The following COL28A1 variants were observed in gnomAD, a reference collection of about 807,000 sequenced individuals.
COL28A1 encodes the protein collagen type XXVIII alpha 1 chain.
COL28A1 carries 161 observed loss-of-function variants against 150.2 expected under a neutral mutation model. That is an observed-to-expected ratio of 1.07 (90% CI 0.94 to 1.22). The LOEUF is 1.22. Among genes scored for constraint, COL28A1 ranks in the 50% most tolerant of loss-of-function variants. The pLI is 0.00. For missense variants in COL28A1, 1,617 were observed against 1,388.3 expected (o/e 1.16, Z -2.62); for synonymous variants, 552 against 469.7 (o/e 1.18, Z -2.26).
Position 7,507,140 on chromosome 7 carries a change from G to T in COL28A1, c.949C>A (p.Pro317Thr), listed in dbSNP as rs1484104485. 2.3e-6 allele frequency: 3 copies of T among 1,285,868 alleles called. No individual in the cohort carries two copies. Among genetic ancestry groups the T allele is most frequent in the Non-Finnish European group, 2.3e-6 (2 of 882,590 alleles). The allele number at this position is 1,285,868 out of a possible 1,614,324, so 79.7% of individuals were successfully genotyped here. The part of the protein sequence containing the change: ...GDKGSPGPYG[P>T]KGPRGIQGIT... Reference sequence around the variant, plus strand: ...ACCTGAATTCCTCTGGGTCCCTTTGGTCCATATGGCCCTGGGGATCCCTGT... The same window carrying T: ...ACCTGAATTCCTCTGGGTCCCTTTGTTCCATATGGCCCTGGGGATCCCTGT... The change falls in exon 10 of 35, where the codon CCA becomes ACA. Residue 317 changes from proline (P) to threonine (T), a missense_variant. Pro to Thr is a conservative substitution (Grantham distance 38, BLOSUM62 -1). Transcript: ENST00000399429.
chr7:7,462,818 G>T (rs961651118), intron 15 of COL28A1, among the ~76,000 whole-genome samples: 1 of 149,870 alleles, frequency 6.7e-6, no homozygotes, highest in Non-Finnish European at 1.5e-5. Context: ...CTAAGATCAC[G>T]CCATTGCACT....
At chr7:7,411,557 T>C (rs1161359708) in intron 27 of COL28A1, among the ~76,000 whole-genome samples, 2 of 152,136 alleles carry the variant, frequency 1.3e-5, no homozygotes. Context: ...CCTCCCCTGA[T>C]CCTTTCCTGC....
At chr7:7,463,336 G>A (rs1787793672) in intron 15 of COL28A1, among the ~76,000 whole-genome samples, 1 of 152,078 alleles carries the variant, frequency 6.6e-6, no homozygotes, top group African/African-American at 2.4e-5. Context: ...ATTATATCGA[G>A]CACTAAATGG....
chr7:7,435,153 G>T (rs1785250242), intron 23 of COL28A1, among the ~76,000 whole-genome samples: 1 of 152,134 alleles, frequency 6.6e-6, no homozygotes, highest in African/African-American at 2.4e-5. Flanking sequence ...CAGAAAACAG[G>T]TGAGGCCTAT....
At position 7,373,984 on chromosome 7, in the gene COL28A1, C is replaced by A. The variant is rs1379258390; in HGVS notation, c.2360-438G>T. ...AAAGTGCTGGGATTACAGGCGTGAG[C>A]CACCGCGCCCGGCCCCTTCTGGTTT... On this transcript the variant is annotated intron_variant, in intron 31 of 34. Coordinates refer to ENST00000399429, the MANE Select transcript of COL28A1 (RefSeq NM_001037763.3). This position sits in a 1 kb window ranked among gnomAD's most constrained non-coding sequence, Gnocchi z 4.1. Among the ~76,000 whole-genome samples, 7 of 145,860 alleles carry A rather than the reference C, an allele frequency of 4.8e-5. No homozygotes were observed. Among genetic ancestry groups the A allele is most frequent in the East Asian group, 2.0e-4 (1 of 5,034 alleles).
At chr7:7,484,715 T>C (rs539778934) in intron 13 of COL28A1, among the ~76,000 whole-genome samples, 2 of 152,204 alleles carry the variant, frequency 1.3e-5, no homozygotes, top group East Asian at 3.9e-4. Flanking sequence ...CAAGAAAACA[T>C]GTTAGGAATC....
At chr7:7,522,010 G>T in intron 4 of COL28A1, 49 bp from the exon 5 acceptor site, 1 of 843,492 alleles carries the variant, frequency 1.2e-6, no homozygotes, top group African/African-American at 1.6e-5. Flanking sequence ...AATTCAAATT[G>T]TATGCAGCAT....
chr7:7,443,693 T>A, intron 19 of COL28A1, 40 bp from the exon 20 acceptor site: 1 of 1,612,728 alleles, frequency 6.2e-7, no homozygotes, highest in Non-Finnish European at 8.5e-7. Context: ...GACCCTCCAG[T>A]AGACAGACTG....
At chr7:7,385,156 T>C (rs1320283124) in intron 27 of COL28A1, among the ~76,000 whole-genome samples, 1 of 152,204 alleles carries the variant, frequency 6.6e-6, no homozygotes, top group Non-Finnish European at 1.5e-5. Context: ...AGGAACGATA[T>C]CTCTTAAGAA....
intron 20 of COL28A1, among the ~76,000 whole-genome samples, chr7:7,441,428 G>A (rs754899410): frequency 1.3e-4 from 19 of 151,170 alleles, no homozygotes; most frequent in Non-Finnish European, 2.7e-4. Flanking sequence ...GTAAAACAGT[G>A]CTCTCCCAAA....
upstream of COL28A1, among the ~76,000 whole-genome samples, chr7:7,537,095 T>C (rs925194461): frequency 6.6e-6 from 1 of 152,182 alleles, no homozygotes; most frequent in Non-Finnish European, 1.5e-5. Context: ...CTAAGCTATA[T>C]ATACATTTAT....
chr7:7,436,957 G>T (rs1363788971), intron 22 of COL28A1, among the ~76,000 whole-genome samples: 1 of 152,154 alleles, frequency 6.6e-6, no homozygotes, highest in Non-Finnish European at 1.5e-5. Flanking sequence ...AGAATCACTT[G>T]ACCCCAAGAA....
chr7:7,477,777 G>T (rs1299395879), intron 13 of COL28A1, among the ~76,000 whole-genome samples: 2 of 152,136 alleles, frequency 1.3e-5, no homozygotes, highest in Non-Finnish European at 2.9e-5. Context: ...TATGGAAACG[G>T]ACCCCAGCAG....
chr7:7,487,384 C>A (rs984325259), intron 13 of COL28A1, among the ~76,000 whole-genome samples: 5 of 152,074 alleles, frequency 3.3e-5, no homozygotes, highest in African/African-American at 1.2e-4. Flanking sequence ...TCGAGACCAG[C>A]CTGGCCAATA....
chr7:7,488,482 G>T (rs570680286), intron 13 of COL28A1, among the ~76,000 whole-genome samples: 1 of 152,276 alleles, frequency 6.6e-6, no homozygotes, highest in South Asian at 2.1e-4. Context: ...GTACCTAAGT[G>T]AGTCAGCTAC....
intron 33 of COL28A1, among the ~76,000 whole-genome samples, chr7:7,364,432 C>T (rs1780829814): frequency 6.6e-6 from 1 of 152,188 alleles, no homozygotes; most frequent in South Asian, 2.1e-4. Flanking sequence ...AAAAACTATT[C>T]ACTAATCCTT....
chr7:7,520,933 G>A (rs539926298), intron 5 of COL28A1, among the ~76,000 whole-genome samples: 158 of 152,222 alleles, frequency 1.0e-3, no homozygotes, highest in African/African-American at 3.6e-3. Context: ...ATCATATAAC[G>A]CATCTAACTT....
intron 33 of COL28A1, among the ~76,000 whole-genome samples, chr7:7,367,366 G>A (rs765630930): frequency 1.1e-4 from 16 of 152,144 alleles, no homozygotes; most frequent in African/African-American, 1.9e-4. Context: ...AGAAATGCAC[G>A]TTTGTTCAAA....
chr7:7,436,015 A>G (rs756642621), intron 23 of COL28A1, among the ~76,000 whole-genome samples: 4 of 152,224 alleles, frequency 2.6e-5, no homozygotes, highest in African/African-American at 4.8e-5. Context: ...TAAATAAAGC[A>G]GGAAATTTTT....
Sources: gnomAD v4.1 joint callset for allele counts (sites outside exome capture counted in the v4.1 genomes callset) on GRCh38, gnomAD v4.1.1 for gene constraint, Gnocchi (gnomAD v3.1) non-coding constraint, MANE v1.5 for transcripts, NCBI Gene and HGNC (gene_info 2026-07-23, HGNC 2026-07-21) for gene names.